The following IL4R variants were observed in gnomAD, a reference collection of about 807,000 sequenced individuals.
The protein encoded by IL4R is interleukin-4 receptor subunit alpha.
Under a neutral mutation model 41.5 loss-of-function variants are expected in IL4R, and 17 were observed. The ratio of observed to expected loss-of-function variants is 0.41; its 90% CI spans 0.28 to 0.61. The LOEUF (loss-of-function observed/expected upper bound fraction) is 0.61. IL4R is among the 20% of genes least tolerant of loss of function. The probability of loss-of-function intolerance (pLI) is 0.31; values close to 1 mark genes in which losing one functional copy is unlikely to be tolerated. For synonymous variants in IL4R, 402 were observed against 422.9 expected (o/e 0.95, Z 0.61); for missense variants, 974 against 1,043.1 (o/e 0.93, Z 0.91).
intron 1 of IL4R, among the ~76,000 whole-genome samples, chr16:27,317,185 C>A (rs1226763424): frequency 6.6e-6 from 1 of 152,148 alleles, no homozygotes; most frequent in Non-Finnish European, 1.5e-5. Context: ...TTTATAGATG[C>A]GAGCAAACGT....
intron 7 of IL4R, chr16:27,355,096 A>G (rs2141190640): frequency 2.3e-6 from 1 of 433,582 alleles, no homozygotes; most frequent in South Asian, 1.6e-5. Flanking sequence ...CAAAGCAGAT[A>G]GAAATCCCCA....
In IL4R at chr16:27,363,065, C is replaced by G; in HGVS notation, c.1713C>G (p.Pro571=). ...HGAAAAPVSA[P]TSGYQEFVHA... ...CAGCTGCAGCCCCCGTCTCGGCCCC[C>G]ACCAGTGGCTATCAGGAGTTTGTAC... Residue 571 remains proline (P), a synonymous_variant, in exon 11 of 11, where the codon CCC becomes CCG. Transcript: ENST00000395762. The G allele has an allele frequency of 1.2e-6, 2 of 1,614,174 alleles. No homozygotes were observed. Among genetic ancestry groups the G allele is most frequent in the Middle Eastern group, 1.6e-4 (1 of 6,062 alleles).
In IL4R at chr16:27,330,070, T is replaced by G. The variant is rs929732423; in HGVS notation, c.-147T>G. On this transcript the variant is annotated 5_prime_UTR_variant, in exon 2 of 11. Coordinates refer to ENST00000395762, the MANE Select transcript of IL4R (RefSeq NM_000418.4). ...AATTAAACTTTTTATTTTCAGATAATTAAAGATTTACACACAGCTGGAAGA... is the reference window on the plus strand; with the variant it reads ...AATTAAACTTTTTATTTTCAGATAAGTAAAGATTTACACACAGCTGGAAGA... 1.3e-5 allele frequency: 2 copies of G among 152,154 alleles called. No homozygotes were observed. Among genetic ancestry groups the G allele is most frequent in the East Asian group, 1.9e-4 (1 of 5,184 alleles). 9.4% of individuals were successfully genotyped at this position (152,154 alleles called of 1,614,324 possible).
chr16:27,335,147 ATGCTG>A lies in IL4R; in HGVS notation c.-19+4954_-19+4958del, dbSNP rs369932374. Among the ~76,000 whole-genome samples, 1,353 of 152,232 alleles carry A rather than the reference ATGCTG, an allele frequency of 8.9e-3. 15 individuals are homozygous for A. Among genetic ancestry groups the A allele is most frequent in the Non-Finnish European group, 0.014 (982 of 67,972 alleles). ...CCTTGGCAGGAACCCAGGAAAAGAC[ATGCTG>A]TGCTCTTCTCAGGAATTGTTTCAGG... On this transcript the variant is annotated intron_variant, in intron 2 of 10. Coordinates refer to ENST00000395762, the MANE Select transcript of IL4R (RefSeq NM_000418.4).
At chr16:27,343,129 A>T (rs1364786258) in intron 4 of IL4R, among the ~76,000 whole-genome samples, 1 of 152,144 alleles carries the variant, frequency 6.6e-6, no homozygotes, top group Non-Finnish European at 1.5e-5. Flanking sequence ...GCTTCGTTAC[A>T]CTGGTGCCCA....
At chr16:27,340,580 G>A (rs1316472463) in intron 3 of IL4R, among the ~76,000 whole-genome samples, 1 of 152,086 alleles carries the variant, frequency 6.6e-6, no homozygotes, top group African/African-American at 2.4e-5. Flanking sequence ...ATATTAGCCA[G>A]GTGTGGCAGT....
At chr16:27,344,028 A>G (rs3024555) in intron 4 of IL4R, among the ~76,000 whole-genome samples, 24,220 of 151,964 alleles carry the variant, frequency 0.16, 2,303 homozygotes, top group African/African-American at 0.25. Context: ...AAGGCCGGGC[A>G]CTGTGGTGGC....
At chr16:27,342,742 C>T (rs2085483020) in intron 4 of IL4R, among the ~76,000 whole-genome samples, 1 of 152,324 alleles carries the variant, frequency 6.6e-6, no homozygotes, top group Admixed American at 6.5e-5. Context: ...GATCCTCCTG[C>T]CTCCGCCTCC....
intron 1 of IL4R, among the ~76,000 whole-genome samples, chr16:27,317,288 C>A (rs774413863): frequency 5.3e-5 from 8 of 152,156 alleles, no homozygotes; most frequent in Non-Finnish European, 1.2e-4. Flanking sequence ...AGAACTGAGA[C>A]CCGGAGATGA....
At chr16:27,334,611 A>G (rs1007249214) in intron 2 of IL4R, among the ~76,000 whole-genome samples, 1 of 152,098 alleles carries the variant, frequency 6.6e-6, no homozygotes, top group Non-Finnish European at 1.5e-5. Context: ...AATTGAGGCT[A>G]AAGTGACACC....
chr16:27,329,349 T>G (rs115202091), intron 1 of IL4R, among the ~76,000 whole-genome samples: 61 of 152,276 alleles, frequency 4.0e-4, no homozygotes, highest in African/African-American at 1.4e-3. Flanking sequence ...AAAAATGGAC[T>G]AACACACTTG....
intron 2 of IL4R, among the ~76,000 whole-genome samples, chr16:27,335,307 A>G (rs1047932616): frequency 6.6e-6 from 1 of 152,166 alleles, no homozygotes; most frequent in Non-Finnish European, 1.5e-5. Flanking sequence ...AATATACAAT[A>G]CAAGTTTTGC....
At position 27,362,934 on chromosome 16, in the gene IL4R, C is replaced by A. The variant is rs866216293; in HGVS notation, c.1582C>A (p.Pro528Thr). 5 of 1,614,036 alleles carry A rather than the reference C, an allele frequency of 3.1e-6. No individual in the cohort carries two copies. In the African/African-American group the frequency reaches 6.7e-5, roughly 22 times the overall value. ...LLARHLEEVE[P>T]EMPCVPQLSE... Reference sequence around the variant, plus strand: ...GGCCAGACACCTGGAGGAAGTAGAACCCGAGATGCCCTGTGTCCCCCAGCT... The same window carrying A: ...GGCCAGACACCTGGAGGAAGTAGAAACCGAGATGCCCTGTGTCCCCCAGCT... The change falls in exon 11 of 11, where the codon CCC becomes ACC. Residue 528 changes from proline to threonine, a missense_variant. Around this residue, in one of 3 missense-constraint regions of IL4R, gnomAD observed 682 missense variants for 704.3 expected, o/e 0.97. Coordinates refer to ENST00000395762, the MANE Select transcript of IL4R (RefSeq NM_000418.4).
At chr16:27,346,698 C>A in intron 6 of IL4R, 80 bp downstream of exon 6, 1 of 1,498,436 alleles carries the variant, frequency 6.7e-7, no homozygotes, top group South Asian at 1.1e-5. Context: ...GTCCCTGGAG[C>A]CAGGAGCCTG....
intron 1 of IL4R, among the ~76,000 whole-genome samples, chr16:27,316,215 A>G (rs562836947): frequency 1.3e-5 from 2 of 152,256 alleles, no homozygotes; most frequent in South Asian, 4.1e-4. Flanking sequence ...AAAAAAATTT[A>G]AAAACTTAGC....
chr16:27,347,626 C>T (rs927398709), intron 6 of IL4R, among the ~76,000 whole-genome samples: 3 of 152,154 alleles, frequency 2.0e-5, no homozygotes, highest in Admixed American at 2.0e-4. Context: ...TGCTGGTGTG[C>T]AGGGAGGTCA....
At chr16:27,341,904 C>T in intron 3 of IL4R, 2 of 546,530 alleles carry the variant, frequency 3.7e-6, no homozygotes, top group South Asian at 2.6e-5. Context: ...TGTCTAATGG[C>T]CCCCGCACCC....
chr16:27,353,685 G>A (rs1347191926), intron 7 of IL4R, among the ~76,000 whole-genome samples: 1 of 151,902 alleles, frequency 6.6e-6, no homozygotes, highest in Non-Finnish European at 1.5e-5. Context: ...AATAAATAGA[G>A]ACAGGGTATC....
chr16:27,343,495 CG>C (rs1428455593), intron 4 of IL4R, among the ~76,000 whole-genome samples: 1 of 152,144 alleles, frequency 6.6e-6, no homozygotes, highest in Non-Finnish European at 1.5e-5. Flanking sequence ...GGCACAATCT[CG>C]GCTCACTGCA....
Sources: allele counts gnomAD v4.1 joint callset (sites outside exome capture counted in the v4.1 genomes callset), GRCh38; gene constraint gnomAD v4.1.1; regional missense constraint gnomAD v4.1.1; transcripts MANE v1.5; gene names NCBI Gene and HGNC (gene_info 2026-07-23, HGNC 2026-07-21).